Variants in MPC1 observed in about 807,000 individuals in gnomAD.
MPC1 encodes the protein HSPC040 protein.
A neutral mutation model predicts 13.9 loss-of-function variants in MPC1; 6 were observed. That is an observed-to-expected ratio of 0.43 (90% CI 0.24 to 0.85). The LOEUF (loss-of-function observed/expected upper bound fraction) is 0.85, where lower values mean the gene tolerates loss of function less well. MPC1 is among the 40% of genes least tolerant of loss of function. The pLI is 0.24. For missense variants in MPC1, 115 were observed against 143.3 expected (o/e 0.80, Z 1.01); for synonymous variants, 47 against 50.5 (o/e 0.93, Z 0.29).
intron 1 of MPC1, among the ~76,000 whole-genome samples, chr6:166,382,357 G>A (rs1291036393): frequency 6.6e-6 from 1 of 151,310 alleles, no homozygotes; most frequent in Non-Finnish European, 1.5e-5. Flanking sequence ...CAGGAGAGGC[G>A]TCCCCAGTGT....
At chr6:166,374,390 T>C (rs1779497205) in intron 1 of MPC1, among the ~76,000 whole-genome samples, 1 of 152,228 alleles carries the variant, frequency 6.6e-6, no homozygotes, top group Non-Finnish European at 1.5e-5. Flanking sequence ...CTTTTCATTC[T>C]CTTGACAGCA....
intron 2 of MPC1, chr6:166,368,628 G>T: frequency 1.5e-5 from 4 of 263,536 alleles, no homozygotes; most frequent in Non-Finnish European, 2.3e-5. Flanking sequence ...TATTAACAAT[G>T]ACCCTTAATT....
At chr6:166,380,939 C>CAAAAAAAAAAAAAAAAAAAAAAAAAAAA (rs1175434820) in intron 1 of MPC1, among the ~76,000 whole-genome samples, 1 of 47,728 alleles carries the variant, frequency 2.1e-5, no homozygotes, top group Non-Finnish European at 4.6e-5. Flanking sequence ...AACTCTGTCT[C>CAAAAAAAAAAAAAAAAAAAAAAAAAAAA]AAAAAAAAAA....
intron 1 of MPC1, among the ~76,000 whole-genome samples, chr6:166,371,394 T>C (rs1352095519): frequency 6.6e-6 from 1 of 152,240 alleles, no homozygotes; most frequent in African/African-American, 2.4e-5. Flanking sequence ...TGAGTTACTT[T>C]TATTTCTGAA....
chr6:166,369,546 C>A (rs1431076176), intron 2 of MPC1: 2 of 161,458 alleles, frequency 1.2e-5, no homozygotes, highest in African/African-American at 2.4e-5. Context: ...TTAAGAAGAA[C>A]ACGAAAGGTA....
At chr6:166,373,669 T>C (rs908470528) in intron 1 of MPC1, among the ~76,000 whole-genome samples, 2 of 152,244 alleles carry the variant, frequency 1.3e-5, no homozygotes, top group Non-Finnish European at 2.9e-5. Context: ...ACTGCCAAAC[T>C]GTTTTCCAAA....
At chr6:166,380,503 GA>G (rs1779726750) in intron 1 of MPC1, among the ~76,000 whole-genome samples, 3 of 151,884 alleles carry the variant, frequency 2.0e-5, no homozygotes, top group Non-Finnish European at 4.4e-5. Flanking sequence ...GTTAATTTTA[GA>G]AAAAAAGGTT....
rs2114940384 is a variant in MPC1 at position 166,365,716 on chromosome 6, G to A, written c.305+258C>T. On this transcript the variant is annotated intron_variant, in intron 4 of 4. Transcript: ENST00000360961. This position sits in a 1 kb window ranked among gnomAD's most constrained non-coding sequence, Gnocchi z 4.2. Reference sequence around the variant, plus strand: ...AATCCAAAATCCAAAATGCTCCAATGAGCACTTCCTTTGAGTGTCATGTTG... The same window carrying A: ...AATCCAAAATCCAAAATGCTCCAATAAGCACTTCCTTTGAGTGTCATGTTG... Among the ~76,000 whole-genome samples the A allele has an allele frequency of 6.6e-6, 1 of 152,242 alleles. No individual in the cohort carries two copies. Among genetic ancestry groups the A allele is most frequent in the South Asian group, 2.1e-4 (1 of 4,820 alleles).
chr6:166,367,351 C>G (rs1779200181), intron 2 of MPC1, among the ~76,000 whole-genome samples: 1 of 152,180 alleles, frequency 6.6e-6, no homozygotes, highest in South Asian at 2.1e-4. Flanking sequence ...TCTTAAAATG[C>G]AGACCCTAAA....
chr6:166,370,806 G>A (rs2114955724), intron 1 of MPC1, among the ~76,000 whole-genome samples: 1 of 151,994 alleles, frequency 6.6e-6, no homozygotes, highest in African/African-American at 2.4e-5. Context: ...ACTCCAGCCT[G>A]GGCAACAGAG....
At chr6:166,368,173 T>A (rs1779232308) in intron 2 of MPC1, among the ~76,000 whole-genome samples, 1 of 152,242 alleles carries the variant, frequency 6.6e-6, no homozygotes, top group Non-Finnish European at 1.5e-5. Context: ...TACTCACTAC[T>A]GCAACTTTCA....
rs11370568 is a variant in MPC1 at position 166,368,557 on chromosome 6, G to GAAA, written c.75+1658_75+1660dup. Among the ~76,000 whole-genome samples, 99 of 114,252 alleles carry GAAA rather than the reference G, an allele frequency of 8.7e-4. 2 individuals carry two copies. The highest frequency in any genetic ancestry group is 2.9e-3 in the African/African-American group (85 of 29,232). The allele number at this position is 114,252 out of a possible 152,430, so 75.0% of individuals were successfully genotyped here. A position where few individuals can be genotyped will look rare whatever the true frequency, so the allele number is the denominator to read the frequency against. On this transcript the variant is annotated intron_variant, in intron 2 of 4. Transcript: ENST00000360961. Reference sequence around the variant, plus strand: ...TGACAGAGCGAGACTCCGTCTCAGGGAAAAAAAAAAAAAAAAAAAGAAAAT... The same window carrying GAAA: ...TGACAGAGCGAGACTCCGTCTCAGGGAAAAAAAAAAAAAAAAAAAAAAGAAAAT...
intron 1 of MPC1, among the ~76,000 whole-genome samples, chr6:166,378,989 T>C (rs1307418142): frequency 6.6e-6 from 1 of 152,236 alleles, no homozygotes; most frequent in Non-Finnish European, 1.5e-5. Flanking sequence ...AACGGTATTA[T>C]TATCACAATT....
chr6:166,377,392 G>A (rs1234992728), intron 1 of MPC1, among the ~76,000 whole-genome samples: 1 of 152,122 alleles, frequency 6.6e-6, no homozygotes, highest in African/African-American at 2.4e-5. Context: ...AGGCAGAAGT[G>A]GAGGCAGGCA....
At chr6:166,376,818 C>T (rs1779586005) in intron 1 of MPC1, among the ~76,000 whole-genome samples, 1 of 152,164 alleles carries the variant, frequency 6.6e-6, no homozygotes, top group Admixed American at 6.5e-5. Context: ...CCTATCTCTA[C>T]CTATTTACTT....
At position 166,366,121 on chromosome 6, in the gene MPC1, A is replaced by G; in HGVS notation, c.173-15T>C. 2.5e-6 allele frequency: 4 copies of G among 1,612,576 alleles called. No individual in the cohort carries two copies. The highest frequency in any genetic ancestry group is 3.4e-6 in the Non-Finnish European group (4 of 1,179,046). ...GCAACAGAGGGCTGCCAAAAATAGC[A>G]GAGCAAAGACAATCAATAACTTAGA... is the stretch of plus-strand genomic sequence containing the variant. On this transcript the variant is annotated splice_polypyrimidine_tract_variant and intron_variant, in intron 3 of 4. Transcript: ENST00000360961.
chr6:166,370,438 G>T (rs757679437), intron 1 of MPC1: 1 of 523,464 alleles, frequency 1.9e-6, no homozygotes, highest in Non-Finnish European at 3.4e-6. Context: ...CATGAAATTA[G>T]ATCTTAGTTT....
In MPC1 at chr6:166,365,759, T is replaced by C. The variant is rs1226558009; in HGVS notation, c.305+215A>G. 6.6e-6 allele frequency among the ~76,000 whole-genome samples: 1 copy of C among 152,174 alleles called. No homozygotes were observed. Among genetic ancestry groups the C allele is most frequent in the Non-Finnish European group, 1.5e-5 (1 of 68,036 alleles). Reference sequence around the variant, plus strand: ...TCATGTTGGCACTCTAAAGGTTTCATATTTTGGAGCATTTCAGATTTTTGG... The same window carrying C: ...TCATGTTGGCACTCTAAAGGTTTCACATTTTGGAGCATTTCAGATTTTTGG... On this transcript the variant is annotated intron_variant, in intron 4 of 4. Coordinates refer to ENST00000360961, the MANE Select transcript of MPC1 (RefSeq NM_016098.4). The surrounding 1 kb of genome is among the most constrained non-coding windows in gnomAD (Gnocchi z 4.2).
rs1031775069 is a variant in MPC1 at position 166,366,006 on chromosome 6, C to T, written c.273G>A (p.Gln91=). 1.2e-6 allele frequency: 2 copies of T among 1,613,884 alleles called. No homozygotes were observed. Among genetic ancestry groups the T allele is most frequent in the Non-Finnish European group, 8.5e-7 (1 of 1,179,828 alleles). Residue 91 remains glutamine (Q), a synonymous_variant, in exon 4 of 5, where the codon CAG becomes CAA. Coordinates refer to ENST00000360961, the MANE Select transcript of MPC1 (RefSeq NM_016098.4). ...FACHATNEVA[Q]LIQGGRLIKH... ...TGATAAGCCGCCCTCCCTGGATGAG[C>T]TGGGCTACTTCATTTGTTGCGTGGC...
Sources: allele counts gnomAD v4.1 joint callset (sites outside exome capture counted in the v4.1 genomes callset), GRCh38; gene constraint gnomAD v4.1.1; non-coding constraint Gnocchi (gnomAD v3.1); transcripts MANE v1.5; gene names NCBI Gene and HGNC (gene_info 2026-07-23, HGNC 2026-07-21).